NRG3: variants seen among roughly 807,000 people sequenced by gnomAD.
NRG3 encodes pro-neuregulin-3, membrane-bound isoform.
Under a neutral mutation model 66.9 loss-of-function variants are expected in NRG3, and 31 were observed. That is an observed-to-expected ratio of 0.46 (90% CI 0.35 to 0.63). NRG3 has a LOEUF of 0.63. NRG3 is among the 20% of genes least tolerant of loss of function. The pLI is 0.00. For synonymous variants in NRG3, 393 were observed against 359.4 expected (o/e 1.09, Z -1.06); for missense variants, 910 against 878.9 (o/e 1.04, Z -0.45).
chr10:82,027,038 G>C (rs933647540), intron 1 of NRG3, among the ~76,000 whole-genome samples: 7 of 151,894 alleles, frequency 4.6e-5, no homozygotes, highest in Non-Finnish European at 8.8e-5. Context: ...TTTTAAATAA[G>C]GTAGTTTTCA....
chr10:82,570,669 TA>T, intron 2 of NRG3, among the ~76,000 whole-genome samples: 1 of 151,712 alleles, frequency 6.6e-6, no homozygotes, highest in East Asian at 1.9e-4. Context: ...TAAATATGCT[TA>T]AAAACAGTTA....
intron 4 of NRG3, among the ~76,000 whole-genome samples, chr10:82,892,751 CATATG>C (rs1203234731): frequency 3.3e-5 from 5 of 151,676 alleles, no homozygotes; most frequent in African/African-American, 1.2e-4. Context: ...AATCAATGGA[CATATG>C]CACATACATA....
At chr10:82,640,446 AT>A in intron 2 of NRG3, among the ~76,000 whole-genome samples, 1 of 152,252 alleles carries the variant, frequency 6.6e-6, no homozygotes, top group Middle Eastern at 3.4e-3. Flanking sequence ...GCCTGGTAAC[AT>A]TTCTTCATAT....
intron 2 of NRG3, among the ~76,000 whole-genome samples, chr10:82,487,887 A>G (rs1041442772): frequency 6.6e-6 from 1 of 152,226 alleles, no homozygotes; most frequent in African/African-American, 2.4e-5. Flanking sequence ...TATTGATTAC[A>G]GTCTCTTTGG....
At chr10:82,671,469 T>A (rs563498195) in intron 2 of NRG3, among the ~76,000 whole-genome samples, 1 of 152,170 alleles carries the variant, frequency 6.6e-6, no homozygotes, top group Non-Finnish European at 1.5e-5. Context: ...AGCCTGGATT[T>A]GTCATTTTTG....
intron 1 of NRG3, among the ~76,000 whole-genome samples, chr10:82,122,085 C>A (rs2132378956): frequency 6.6e-6 from 1 of 152,256 alleles, no homozygotes; most frequent in East Asian, 1.9e-4. Context: ...TAAAATGAGG[C>A]TAACAATAGC....
At chr10:82,802,434 TGGTGAGCTCA>T (rs1483366128) in intron 3 of NRG3, among the ~76,000 whole-genome samples, 8 of 152,158 alleles carry the variant, frequency 5.3e-5, no homozygotes, top group African/African-American at 1.9e-4. Flanking sequence ...GGGGTCAAAT[TGGTGAGCTCA>T]GGTTTAATGG....
At chr10:82,707,012 A>AAAT (rs1203691529) in intron 2 of NRG3, among the ~76,000 whole-genome samples, 1 of 106,004 alleles carries the variant, frequency 9.4e-6, no homozygotes, top group African/African-American at 3.6e-5. Flanking sequence ...AAAATAAAAT[A>AAAT]AAATAAATAT....
chr10:82,155,905 G>T (rs1471386698), intron 1 of NRG3, among the ~76,000 whole-genome samples: 4 of 151,690 alleles, frequency 2.6e-5, no homozygotes, highest in African/African-American at 9.7e-5. Context: ...AACTTTAGCT[G>T]CTTCCTGGTC....
intron 1 of NRG3, among the ~76,000 whole-genome samples, chr10:82,139,914 T>TGTGA (rs3036608): frequency 0.86 from 130,117 of 151,824 alleles, 56,297 homozygotes; most frequent in African/African-American, 0.95. Context: ...TCACCAGATT[T>TGTGA]GTTAGTCTCT....
chr10:82,131,267 C>A (rs1036517839), intron 1 of NRG3, among the ~76,000 whole-genome samples: 1 of 152,088 alleles, frequency 6.6e-6, no homozygotes, highest in African/African-American at 2.4e-5. Flanking sequence ...ATATGGATAT[C>A]CAGTTTTCCC....
intron 2 of NRG3, among the ~76,000 whole-genome samples, chr10:82,483,901 T>A (rs1426513674): frequency 6.6e-6 from 1 of 152,230 alleles, no homozygotes; most frequent in Non-Finnish European, 1.5e-5. Flanking sequence ...TTATGACTAC[T>A]TCTAAGAAAA....
At chr10:82,121,478 T>A (rs556540400) in intron 1 of NRG3, among the ~76,000 whole-genome samples, 1 of 152,084 alleles carries the variant, frequency 6.6e-6, no homozygotes, top group Non-Finnish European at 1.5e-5. Context: ...TAGACAGTAA[T>A]GAGGGGTCAA....
At chr10:81,958,011 A>G (rs1850001587) in intron 1 of NRG3, among the ~76,000 whole-genome samples, 1 of 152,184 alleles carries the variant, frequency 6.6e-6, no homozygotes, top group Non-Finnish European at 1.5e-5. Flanking sequence ...TCCAGATTGG[A>G]GTAGTCAACT....
At chr10:82,923,392 C>G (rs1187437104) in intron 4 of NRG3, among the ~76,000 whole-genome samples, 1 of 152,206 alleles carries the variant, frequency 6.6e-6, no homozygotes, top group Non-Finnish European at 1.5e-5. Flanking sequence ...AATCCTGTCT[C>G]CAAAGCCTGG....
intron 2 of NRG3, among the ~76,000 whole-genome samples, chr10:82,731,985 A>T (rs1475511578): frequency 6.6e-6 from 1 of 152,208 alleles, no homozygotes; most frequent in Non-Finnish European, 1.5e-5. Context: ...AAAATTGCTA[A>T]CAGTAGACAT....
chr10:82,956,802 A>G (rs772742542), intron 5 of NRG3, among the ~76,000 whole-genome samples: 33 of 151,868 alleles, frequency 2.2e-4, no homozygotes, highest in Non-Finnish European at 3.1e-4. Flanking sequence ...TGGCTGTAAC[A>G]TGCTCCTTAA....
chr10:82,451,677 GC>G (rs1183545469), intron 2 of NRG3, among the ~76,000 whole-genome samples: 1 of 152,056 alleles, frequency 6.6e-6, no homozygotes, highest in Non-Finnish European at 1.5e-5. Flanking sequence ...ATGTATATCA[GC>G]TTTCCTCTGT....
chr10:82,608,292 C>A (rs2048095490), intron 2 of NRG3, among the ~76,000 whole-genome samples: 1 of 152,156 alleles, frequency 6.6e-6, no homozygotes, highest in East Asian at 1.9e-4. Flanking sequence ...TAGTACTTAT[C>A]TTTGCTTCTT....
Sources: gnomAD v4.1 joint callset for allele counts (sites outside exome capture counted in the v4.1 genomes callset) on GRCh38, gnomAD v4.1.1 for gene constraint, MANE v1.5 for transcripts, NCBI Gene and HGNC (gene_info 2026-07-23, HGNC 2026-07-21) for gene names.